CNTNAP5: variants seen among roughly 807,000 people sequenced by gnomAD.
CNTNAP5 encodes contactin-associated protein-like 5.
Under a neutral mutation model 150.2 loss-of-function variants are expected in CNTNAP5, and 72 were observed. The ratio of observed to expected loss-of-function variants is 0.48; its 90% CI spans 0.40 to 0.58. CNTNAP5 has a LOEUF of 0.58. Ranked by LOEUF, CNTNAP5 falls within the 20% of genes least tolerant of loss-of-function variation. The probability of loss-of-function intolerance (pLI) is 0.00; values close to 1 mark genes in which losing one functional copy is unlikely to be tolerated. For missense variants in CNTNAP5, 1,636 were observed against 1,626.2 expected, an observed-to-expected ratio of 1.01 and a Z score of -0.10; for synonymous variants, 672 against 619.8, an observed-to-expected ratio of 1.08 and a Z score of -1.25.
chr2:124,556,764 G>C (rs142688512), intron 10 of CNTNAP5, among the ~76,000 whole-genome samples: 1 of 152,002 alleles, frequency 6.6e-6, no homozygotes. Flanking sequence ...TTCAAGTTTC[G>C]GGACCTAGAT....
chr2:124,311,690 A>G (rs932644810), intron 3 of CNTNAP5, among the ~76,000 whole-genome samples: 2 of 152,112 alleles, frequency 1.3e-5, no homozygotes, highest in African/African-American at 4.8e-5. Flanking sequence ...TAATTTTCTA[A>G]TGCTCCCATA....
At chr2:124,423,887 A>G (rs1261575561) in intron 4 of CNTNAP5, among the ~76,000 whole-genome samples, 1 of 149,200 alleles carries the variant, frequency 6.7e-6, no homozygotes, top group African/African-American at 2.5e-5. Flanking sequence ...GATGGTCTCG[A>G]TCTCCTGACC....
rs1190857035 is a variant in CNTNAP5, at chr2:124,792,410, T to A, written c.2992+2269T>A. Among the ~76,000 whole-genome samples the A allele has an allele frequency of 3.9e-5, 6 of 152,210 alleles. No individual in the cohort carries two copies. In the East Asian group the frequency reaches 1.2e-3, roughly 29 times the overall value. ...GGAGGTCCATCTAGCTTGTTTTTGG[T>A]TCATTTTTTCTTTATGACCCTAATT... On this transcript the variant is annotated intron_variant, in intron 18 of 23. Coordinates refer to ENST00000682447, the MANE Select transcript of CNTNAP5 (RefSeq NM_001367498.1).
chr2:124,420,600 A>C (rs557646175), intron 4 of CNTNAP5, among the ~76,000 whole-genome samples: 1 of 152,282 alleles, frequency 6.6e-6, no homozygotes, highest in Non-Finnish European at 1.5e-5. Flanking sequence ...TGGTGTCTAC[A>C]ATCATTTGAC....
chr2:124,059,335 C>T (rs17211596), intron 1 of CNTNAP5, among the ~76,000 whole-genome samples: 11,783 of 152,164 alleles, frequency 0.077, 599 homozygotes, highest in Non-Finnish European at 0.12. Flanking sequence ...CTGTGAACAT[C>T]GAATAAAGTA....
chr2:124,767,391 T>G (rs997901062), intron 16 of CNTNAP5, among the ~76,000 whole-genome samples: 1 of 152,210 alleles, frequency 6.6e-6, no homozygotes, highest in Non-Finnish European at 1.5e-5. Context: ...TCTTAGTGAA[T>G]GTGTTTTAGT....
intron 6 of CNTNAP5, among the ~76,000 whole-genome samples, chr2:124,463,836 A>G (rs1421539506): frequency 6.6e-6 from 1 of 152,116 alleles, no homozygotes; most frequent in Non-Finnish European, 1.5e-5. Flanking sequence ...TGTGTGTGGC[A>G]CTTAGAGTTG....
At position 124,037,737 on chromosome 2, in the gene CNTNAP5, C is replaced by T. The variant is rs528923469; in HGVS notation, c.82+12005C>T. Among the ~76,000 whole-genome samples, 165 of 152,082 alleles carry T rather than the reference C, an allele frequency of 1.1e-3. 1 individual carries two copies. Among genetic ancestry groups the T allele is most frequent in the African/African-American group, 3.5e-3 (146 of 41,486 alleles). ...GGGTACAAAGTTTCACTTAGAAAGG[C>T]GGAATAAGTTCTAGAGATCTTTTGT... On this transcript the variant is annotated intron_variant, in intron 1 of 23. Coordinates refer to ENST00000682447, the MANE Select transcript of CNTNAP5 (RefSeq NM_001367498.1).
intron 1 of CNTNAP5, among the ~76,000 whole-genome samples, chr2:124,089,167 A>G (rs1573745668): frequency 6.6e-6 from 1 of 152,246 alleles, no homozygotes; most frequent in East Asian, 1.9e-4. Context: ...TTCAGTCTTC[A>G]TATGCTTATT....
At chr2:124,767,747 G>A (rs1015152451) in intron 16 of CNTNAP5, among the ~76,000 whole-genome samples, 2 of 152,176 alleles carry the variant, frequency 1.3e-5, no homozygotes, top group African/African-American at 4.8e-5. Context: ...TGGAGCATGT[G>A]ACTAAGCCCA....
intron 13 of CNTNAP5, among the ~76,000 whole-genome samples, chr2:124,711,983 C>T (rs1164223818): frequency 6.6e-6 from 1 of 152,150 alleles, no homozygotes; most frequent in Non-Finnish European, 1.5e-5. Flanking sequence ...AGCATCTCAA[C>T]AGAAAGAATT....
At chr2:124,630,298 G>T (rs1263548567) in intron 12 of CNTNAP5, among the ~76,000 whole-genome samples, 2 of 152,110 alleles carry the variant, frequency 1.3e-5, no homozygotes, top group Non-Finnish European at 2.9e-5. Flanking sequence ...CAATATCCCT[G>T]ATGAACATTG....
In CNTNAP5 at chr2:124,789,991, A is replaced by C; in HGVS notation, c.2842A>C (p.Lys948Gln). The change falls in exon 18 of 24, where the codon AAG becomes CAG. Residue 948 changes from lysine to glutamine, a missense_variant. Lys to Gln is a moderately conservative substitution (Grantham distance 53). Coordinates refer to ENST00000682447, the MANE Select transcript of CNTNAP5 (RefSeq NM_001367498.1). ...GQKMDLEERA[K>Q]VTSGVRPGCP... ...GAAAATGGACCTGGAAGAGAGGGCA[A>C]AGGTCACATCTGGAGTCAGGCCAGG... 3 of 1,613,954 alleles carry C rather than the reference A, an allele frequency of 1.9e-6. No individual in the cohort carries two copies. The highest frequency in any genetic ancestry group is 2.5e-6 in the Non-Finnish European group (3 of 1,179,858).
intron 3 of CNTNAP5, among the ~76,000 whole-genome samples, chr2:124,360,193 G>A (rs1422940716): frequency 1.3e-5 from 2 of 150,896 alleles, no homozygotes; most frequent in Non-Finnish European, 3.0e-5. Flanking sequence ...TTGAGCCTAT[G>A]TGTGTCTCTG....
intron 10 of CNTNAP5, among the ~76,000 whole-genome samples, chr2:124,529,543 G>A (rs1044704394): frequency 1.3e-5 from 2 of 152,194 alleles, no homozygotes; most frequent in Admixed American, 1.3e-4. Context: ...GACTGTGTTT[G>A]AGTCACTATT....
chr2:124,241,146 T>A (rs985876001), intron 2 of CNTNAP5, among the ~76,000 whole-genome samples: 1 of 152,152 alleles, frequency 6.6e-6, no homozygotes, highest in African/African-American at 2.4e-5. Flanking sequence ...ACAGTAGAAG[T>A]GAATATTGTC....
chr2:124,551,502 A>AC (rs1463380749), intron 10 of CNTNAP5, among the ~76,000 whole-genome samples: 1 of 152,204 alleles, frequency 6.6e-6, no homozygotes, highest in Non-Finnish European at 1.5e-5. Context: ...ATTAAAGCAA[A>AC]CAGACAAAGG....
intron 13 of CNTNAP5, among the ~76,000 whole-genome samples, chr2:124,688,478 T>C (rs1381966100): frequency 2.0e-5 from 3 of 152,018 alleles, no homozygotes; most frequent in African/African-American, 7.2e-5. Flanking sequence ...GGATGACTAT[T>C]TTAGAAAAAG....
intron 1 of CNTNAP5, among the ~76,000 whole-genome samples, chr2:124,062,071 A>AC (rs11387668): frequency 1 from 152,268 of 152,270 alleles, 76,133 homozygotes; most frequent in Non-Finnish European, 1. Flanking sequence ...CTTCAGGGCT[A>AC]CCTATCAACT....
Sources: gnomAD v4.1 joint callset for allele counts (sites outside exome capture counted in the v4.1 genomes callset) on GRCh38, gnomAD v4.1.1 for gene constraint, MANE v1.5 for transcripts, NCBI Gene and HGNC (gene_info 2026-07-23, HGNC 2026-07-21) for gene names.